SLC1A1: variants seen among roughly 807,000 people sequenced by gnomAD.
The protein encoded by SLC1A1 is excitatory amino acid transporter 3.
A neutral mutation model predicts 53.3 loss-of-function variants in SLC1A1; 43 were observed. The ratio of observed to expected loss-of-function variants is 0.81; its 90% CI spans 0.63 to 1.04. The LOEUF (loss-of-function observed/expected upper bound fraction) is 1.04, where lower values mean the gene tolerates loss of function less well. Among genes scored for constraint, SLC1A1 ranks in the 50% least tolerant of loss-of-function variants. The pLI, the probability that SLC1A1 is intolerant of heterozygous loss-of-function variation, is 0.00. For missense variants in SLC1A1, 748 were observed against 664.9 expected, an observed-to-expected ratio of 1.12 and a Z score of -1.37; for synonymous variants, 307 against 243.2, an observed-to-expected ratio of 1.26 and a Z score of -2.44.
chr9:4,499,786 AG>A (rs1193551249), intron 1 of SLC1A1, among the ~76,000 whole-genome samples: 2 of 152,260 alleles, frequency 1.3e-5, no homozygotes, highest in Non-Finnish European at 2.9e-5. Flanking sequence ...TATTTAGTAC[AG>A]TAAAACTACA....
chr9:4,542,159 A>AGAGGG (rs1554680443), intron 1 of SLC1A1, among the ~76,000 whole-genome samples: 1 of 136,102 alleles, frequency 7.3e-6, no homozygotes, highest in Non-Finnish European at 1.6e-5. Flanking sequence ...AAAGGAAAGG[A>AGAGGG]GAGGGGAGGG....
intron 1 of SLC1A1, among the ~76,000 whole-genome samples, chr9:4,528,622 T>A (rs1163401730): frequency 1.3e-5 from 2 of 152,128 alleles, no homozygotes; most frequent in African/African-American, 4.8e-5. Flanking sequence ...TCTTATAGTT[T>A]GAGAGTATTC....
intron 1 of SLC1A1, among the ~76,000 whole-genome samples, chr9:4,531,939 C>T (rs939291760): frequency 6.6e-6 from 1 of 152,184 alleles, no homozygotes; most frequent in Non-Finnish European, 1.5e-5. Context: ...GATACACAGG[C>T]AAAGAGGGTC....
At chr9:4,544,266 ATTTT>A (rs998292143) in intron 1 of SLC1A1, among the ~76,000 whole-genome samples, 1 of 152,096 alleles carries the variant, frequency 6.6e-6, no homozygotes, top group African/African-American at 2.4e-5. Context: ...GACTAAGATG[ATTTT>A]TTTTCTCACA....
At chr9:4,582,360 A>G (rs1262757879) in intron 10 of SLC1A1, among the ~76,000 whole-genome samples, 3 of 152,184 alleles carry the variant, frequency 2.0e-5, no homozygotes, top group Non-Finnish European at 2.9e-5. Flanking sequence ...TCAGGAGTAA[A>G]TGCTTGTACC....
intron 1 of SLC1A1, among the ~76,000 whole-genome samples, chr9:4,535,913 T>C (rs1001271052): frequency 5.3e-5 from 8 of 152,154 alleles, no homozygotes; most frequent in African/African-American, 1.9e-4. Context: ...ATCTGATCTT[T>C]GACAAACCTG....
chr9:4,575,448 C>T (rs934202665), intron 8 of SLC1A1, among the ~76,000 whole-genome samples: 3 of 152,118 alleles, frequency 2.0e-5, no homozygotes, highest in African/African-American at 7.2e-5. Context: ...TCTGACTTCC[C>T]TCTTAGACAG....
chr9:4,517,468 A>G (rs904951013), intron 1 of SLC1A1, among the ~76,000 whole-genome samples: 1 of 152,238 alleles, frequency 6.6e-6, no homozygotes, highest in African/African-American at 2.4e-5. Flanking sequence ...GAAGTCATCC[A>G]GAAAACATTT....
intron 1 of SLC1A1, among the ~76,000 whole-genome samples, chr9:4,535,256 G>C (rs916901401): frequency 1.3e-5 from 2 of 152,108 alleles, no homozygotes; most frequent in Non-Finnish European, 2.9e-5. Flanking sequence ...TAGGAAAAGA[G>C]AAGTCAAATT....
At chr9:4,512,183 G>C (rs1488464634) in intron 1 of SLC1A1, among the ~76,000 whole-genome samples, 1 of 152,080 alleles carries the variant, frequency 6.6e-6, no homozygotes, top group Non-Finnish European at 1.5e-5. Flanking sequence ...ATCCCAGCAG[G>C]GATTTTTGTA....
intron 1 of SLC1A1, among the ~76,000 whole-genome samples, chr9:4,526,263 C>G (rs1183605041): frequency 1.3e-5 from 2 of 152,060 alleles, no homozygotes; most frequent in Admixed American, 1.3e-4. Context: ...AGAATTTAGA[C>G]ATATAGAAAA....
intron 1 of SLC1A1, among the ~76,000 whole-genome samples, chr9:4,532,065 T>G (rs920908954): frequency 6.6e-6 from 1 of 151,916 alleles, no homozygotes; most frequent in Admixed American, 6.6e-5. Flanking sequence ...TACATCACCA[T>G]CATCAAAGAC....
Position 4,530,627 on chromosome 9 carries a change from C to T in SLC1A1, c.92-13940C>T, listed in dbSNP as rs1032064783. ...GGAAAGATGACTCAATGTAAATAAT[C>T]GTTGCTATTGACAAAACAGTGCAAA... is the stretch of plus-strand genomic sequence containing the variant. On this transcript the variant is annotated intron_variant, in intron 1 of 11. Coordinates refer to ENST00000262352, the MANE Select transcript of SLC1A1 (RefSeq NM_004170.6). Among the ~76,000 whole-genome samples, 3 of 152,290 alleles carry T rather than the reference C, an allele frequency of 2.0e-5. No homozygotes were observed. In the East Asian group the frequency reaches 5.8e-4, roughly 29 times the overall value.
chr9:4,519,941 T>A (rs1177717048), intron 1 of SLC1A1, among the ~76,000 whole-genome samples: 6 of 152,232 alleles, frequency 3.9e-5, no homozygotes, highest in Non-Finnish European at 8.8e-5. Flanking sequence ...TTCTCGGCCA[T>A]TAGCTTTTAT....
chr9:4,565,990 T>C (rs572173547), intron 4 of SLC1A1, 57 bp from the exon 5 acceptor site: 2 of 1,264,692 alleles, frequency 1.6e-6, no homozygotes, highest in African/African-American at 3.0e-5. Context: ...ATATATTAGG[T>C]ATGACAAAAC....
In SLC1A1 at chr9:4,492,989, T is replaced by C. The variant is rs76353594; in HGVS notation, c.91+2219T>C. On this transcript the variant is annotated intron_variant, in intron 1 of 11. Transcript: ENST00000262352. ...CTGGTTTGGAGAAGGTTTTAAGCAATTGTTCCCTGGCCTTTGGAATCAGTT... is the reference window on the plus strand; with the variant it reads ...CTGGTTTGGAGAAGGTTTTAAGCAACTGTTCCCTGGCCTTTGGAATCAGTT... Among the ~76,000 whole-genome samples the C allele has an allele frequency of 4.0e-3, 607 of 152,272 alleles. 3 individuals carry two copies. Among genetic ancestry groups the C allele is most frequent in the African/African-American group, 0.014 (568 of 41,558 alleles).
At chr9:4,523,490 A>G (rs1478001861) in intron 1 of SLC1A1, among the ~76,000 whole-genome samples, 2 of 152,206 alleles carry the variant, frequency 1.3e-5, no homozygotes, top group African/African-American at 4.8e-5. Flanking sequence ...TTTAATTTAT[A>G]GAACAAAAGT....
intron 1 of SLC1A1, among the ~76,000 whole-genome samples, chr9:4,520,019 T>C (rs1338430915): frequency 2.0e-5 from 3 of 152,226 alleles, no homozygotes; most frequent in African/African-American, 7.2e-5. Context: ...CTGTTGGCTG[T>C]TTTGATTTAT....
In SLC1A1 at chr9:4,576,761, C is replaced by T. The variant is rs1180909938; in HGVS notation, c.1191C>T (p.Ile397=). The T allele has an allele frequency of 2.5e-6, 4 of 1,613,170 alleles. No individual in the cohort carries two copies. The African/African-American group carries it at 5.3e-5, about 22-fold the overall frequency. The change falls in exon 10 of 12, where the codon ATC becomes ATT. Residue 397 remains isoleucine (I), a splice_region_variant and synonymous_variant. Transcript: ENST00000262352. Reference sequence around the variant, plus strand: ...TGGGCATTGGGCAGATCATCACCATCAGGTGGGGCATGGTGTCACATTCAT... The same window carrying T: ...TGGGCATTGGGCAGATCATCACCATTAGGTGGGGCATGGTGTCACATTCAT... ...LDLGIGQIIT[I]SITATSASIG... is the part of the protein sequence containing the mutation.
Sources: gnomAD v4.1 joint callset for allele counts (sites outside exome capture counted in the v4.1 genomes callset) on GRCh38, gnomAD v4.1.1 for gene constraint, MANE v1.5 for transcripts, NCBI Gene and HGNC (gene_info 2026-07-23, HGNC 2026-07-21) for gene names.